The following NTN4 variants were observed in gnomAD, a reference collection of about 807,000 sequenced individuals.
NTN4 encodes netrin 4, also known as netrin-4.
Under a neutral mutation model 73.6 loss-of-function variants are expected in NTN4, and 32 were observed. That is an observed-to-expected ratio of 0.44 (90% CI 0.33 to 0.58). The LOEUF (loss-of-function observed/expected upper bound fraction) is 0.58. Among genes scored for constraint, NTN4 ranks in the 20% least tolerant of loss-of-function variants. NTN4 has a pLI of 0.04. For synonymous variants in NTN4, 258 were observed against 287.5 expected (o/e 0.90, Z 1.04); for missense variants, 654 against 798.3 (o/e 0.82, Z 2.18).
At chr12:95,780,176 A>G (rs2079122237) in intron 2 of NTN4, among the ~76,000 whole-genome samples, 1 of 152,178 alleles carries the variant, frequency 6.6e-6, no homozygotes, top group Non-Finnish European at 1.5e-5. Flanking sequence ...CTTAAATGTT[A>G]GACCTAAAAC....
At chr12:95,695,963 CTTTCTT>C in intron 5 of NTN4, among the ~76,000 whole-genome samples, 1 of 128,752 alleles carries the variant, frequency 7.8e-6, no homozygotes. Flanking sequence ...CTCCCTCCCT[CTTTCTT>C]TTTCTTTCCT....
intron 3 of NTN4, 26 bp downstream of exon 3, chr12:95,737,840 C>T (rs2078789918): frequency 1.3e-6 from 2 of 1,591,694 alleles, no homozygotes; most frequent in Non-Finnish European, 1.7e-6. Flanking sequence ...ATTTGTTTTT[C>T]TTAGGGGAGG....
intron 3 of NTN4, among the ~76,000 whole-genome samples, chr12:95,734,818 T>A (rs2078763279): frequency 6.6e-6 from 1 of 152,108 alleles, no homozygotes; most frequent in Non-Finnish European, 1.5e-5. Context: ...GGCGGGTGGA[T>A]CACCTGAGGT....
chr12:95,716,497 T>C (rs2078606127), intron 3 of NTN4, among the ~76,000 whole-genome samples: 1 of 152,240 alleles, frequency 6.6e-6, no homozygotes, highest in Non-Finnish European at 1.5e-5. Context: ...TTGAAGATTT[T>C]TGAGTAAGGA....
intron 5 of NTN4, among the ~76,000 whole-genome samples, chr12:95,710,164 T>A (rs1343499497): frequency 1.3e-5 from 2 of 152,224 alleles, no homozygotes; most frequent in African/African-American, 2.4e-5. Flanking sequence ...CACTCTTTTT[T>A]CTATTAGTCA....
In NTN4 at chr12:95,713,340, T is replaced by TA; in HGVS notation, c.865-3dup. 1 of 1,586,148 alleles carries TA rather than the reference T, an allele frequency of 6.3e-7. No individual in the cohort carries two copies. Among genetic ancestry groups the TA allele is most frequent in the South Asian group, 1.1e-5 (1 of 88,386 alleles). ...CTTACACATACACTTCCCATGGACC[T>TA]ACAAGCAACATCAAGTGAGAACTAT... On this transcript the variant is annotated splice_polypyrimidine_tract_variant and splice_region_variant and intron_variant, in intron 3 of 9. Transcript: ENST00000343702.
At chr12:95,725,701 G>C (rs929905010) in intron 3 of NTN4, among the ~76,000 whole-genome samples, 1 of 152,090 alleles carries the variant, frequency 6.6e-6, no homozygotes, top group African/African-American at 2.4e-5. Context: ...ATTGTTTTTT[G>C]TTGTTAATTC....
intron 2 of NTN4, among the ~76,000 whole-genome samples, chr12:95,775,189 A>G (rs1189184820): frequency 2.0e-5 from 3 of 152,220 alleles, no homozygotes; most frequent in Non-Finnish European, 4.4e-5. Context: ...AAAACATACC[A>G]TTACTGAGGC....
At chr12:95,668,050 C>A (rs2078196436) in intron 8 of NTN4, among the ~76,000 whole-genome samples, 1 of 151,952 alleles carries the variant, frequency 6.6e-6, no homozygotes, top group East Asian at 1.9e-4. Flanking sequence ...TATTATTCCA[C>A]TAGACTTGTA....
chr12:95,689,900 C>A (rs569529821), intron 5 of NTN4, among the ~76,000 whole-genome samples: 3 of 152,254 alleles, frequency 2.0e-5, no homozygotes, highest in South Asian at 4.1e-4. Flanking sequence ...TCTATCACAC[C>A]GGTCTGTAAG....
chr12:95,684,306 C>CT (rs1300406598), intron 5 of NTN4, among the ~76,000 whole-genome samples: 54 of 146,940 alleles, frequency 3.7e-4, no homozygotes, highest in African/African-American at 1.1e-3. Context: ...AGGAGCTTTG[C>CT]TTTTTTTTTT....
chr12:95,685,952 C>G (rs548023065), intron 5 of NTN4, among the ~76,000 whole-genome samples: 1 of 151,938 alleles, frequency 6.6e-6, no homozygotes, highest in African/African-American at 2.4e-5. Context: ...AATGGCACAT[C>G]ACTGCTCACT....
chr12:95,678,080 A>G (rs1241713817), intron 7 of NTN4, among the ~76,000 whole-genome samples: 1 of 152,070 alleles, frequency 6.6e-6, no homozygotes, highest in East Asian at 1.9e-4. Flanking sequence ...GCAAACTAAC[A>G]CAGGAACAGA....
intron 3 of NTN4, among the ~76,000 whole-genome samples, chr12:95,720,918 C>T (rs1240910442): frequency 6.6e-6 from 1 of 152,178 alleles, no homozygotes; most frequent in East Asian, 1.9e-4. Flanking sequence ...AATATTAACT[C>T]AATTCCTTTA....
At chr12:95,714,691 G>A (rs994443928) in intron 3 of NTN4, among the ~76,000 whole-genome samples, 2 of 152,198 alleles carry the variant, frequency 1.3e-5, no homozygotes, top group Non-Finnish European at 2.9e-5. Flanking sequence ...GCTGTGGAGG[G>A]CTTTATGAGA....
At chr12:95,681,203 A>G (rs2078313071) in intron 7 of NTN4, among the ~76,000 whole-genome samples, 1 of 151,766 alleles carries the variant, frequency 6.6e-6, no homozygotes, top group Admixed American at 6.6e-5. Flanking sequence ...AAAAAAAAAA[A>G]AAAAAAGAGT....
intron 2 of NTN4, among the ~76,000 whole-genome samples, chr12:95,748,751 G>A (rs1026928942): frequency 6.6e-6 from 1 of 152,166 alleles, no homozygotes; most frequent in Non-Finnish European, 1.5e-5. Context: ...GATTACAGCT[G>A]TAAGCCACCA....
At chr12:95,716,077 T>C (rs11108209) in intron 3 of NTN4, among the ~76,000 whole-genome samples, 8,492 of 122,526 alleles carry the variant, frequency 0.069, 353 homozygotes, top group Non-Finnish European at 0.11. Flanking sequence ...AAATCCTACA[T>C]GTCAAAAAAA....
intron 5 of NTN4, among the ~76,000 whole-genome samples, chr12:95,701,321 T>G (rs1443552991): frequency 6.6e-6 from 1 of 152,226 alleles, no homozygotes; most frequent in Non-Finnish European, 1.5e-5. Flanking sequence ...AACGAGTCAC[T>G]TTGAGCCTCC....
Sources: gnomAD v4.1 joint callset for allele counts (sites outside exome capture counted in the v4.1 genomes callset) on GRCh38, gnomAD v4.1.1 for gene constraint, MANE v1.5 for transcripts, NCBI Gene and HGNC (gene_info 2026-07-23, HGNC 2026-07-21) for gene names.